CCSER1: variants seen among roughly 807,000 people sequenced by gnomAD.
CCSER1 encodes serine-rich coiled-coil domain-containing protein 1.
CCSER1 carries 41 observed loss-of-function variants against 82.0 expected under a neutral mutation model. That is an observed-to-expected ratio of 0.50 (90% CI 0.39 to 0.65). The LOEUF is 0.65. Among genes scored for constraint, CCSER1 ranks in the 30% least tolerant of loss-of-function variants. The pLI, the probability that CCSER1 is intolerant of heterozygous loss-of-function variation, is 0.00. For missense variants in CCSER1, 1,119 were observed against 1,064.2 expected (o/e 1.05, Z -0.72); for synonymous variants, 414 against 383.9 (o/e 1.08, Z -0.92).
chr4:91,183,753 G>A (rs931650962), intron 10 of CCSER1, among the ~76,000 whole-genome samples: 1 of 152,090 alleles, frequency 6.6e-6, no homozygotes, highest in African/African-American at 2.4e-5. Context: ...AGTCTGCTCT[G>A]GATCTATTCT....
chr4:90,525,321 G>C (rs1319046170), intron 5 of CCSER1, among the ~76,000 whole-genome samples: 1 of 151,970 alleles, frequency 6.6e-6, no homozygotes, highest in African/African-American at 2.4e-5. Context: ...ATAGCCAAAT[G>C]CCTTGGAGAA....
intron 8 of CCSER1, among the ~76,000 whole-genome samples, chr4:90,855,128 C>T (rs765453443): frequency 1.3e-5 from 2 of 152,114 alleles, no homozygotes; most frequent in Non-Finnish European, 2.9e-5. Context: ...CACCAGGTCC[C>T]TCCACCAACA....
At chr4:90,664,440 A>G (rs921496079) in intron 6 of CCSER1, among the ~76,000 whole-genome samples, 1 of 152,118 alleles carries the variant, frequency 6.6e-6, no homozygotes, top group African/African-American at 2.4e-5. Context: ...TTTTTTTGTC[A>G]AAAGCATTAA....
intron 6 of CCSER1, among the ~76,000 whole-genome samples, chr4:90,644,532 C>T (rs955522248): frequency 3.0e-4 from 45 of 151,936 alleles, no homozygotes; most frequent in African/African-American, 1.1e-3. Context: ...CATAGATAAA[C>T]GTGTGCCATG....
chr4:91,310,224 T>A (rs1430721494), intron 10 of CCSER1, among the ~76,000 whole-genome samples: 1 of 151,856 alleles, frequency 6.6e-6, no homozygotes, highest in Non-Finnish European at 1.5e-5. Context: ...AATTGCAACA[T>A]TGGCCTGATT....
intron 5 of CCSER1, among the ~76,000 whole-genome samples, chr4:90,606,782 T>G (rs1353265453): frequency 6.6e-6 from 1 of 152,182 alleles, no homozygotes; most frequent in Non-Finnish European, 1.5e-5. Context: ...TGTTCTACTC[T>G]GAGATAGCCC....
intron 9 of CCSER1, among the ~76,000 whole-genome samples, chr4:90,924,056 A>T (rs1011414541): frequency 1.3e-5 from 2 of 152,062 alleles, no homozygotes; most frequent in Non-Finnish European, 2.9e-5. Flanking sequence ...ATAAATGCTC[A>T]TTTTTTTCTT....
chr4:91,409,546 CT>C (rs900820499), intron 10 of CCSER1, among the ~76,000 whole-genome samples: 1 of 151,984 alleles, frequency 6.6e-6, no homozygotes, highest in African/African-American at 2.4e-5. Context: ...TTTCAAAAAC[CT>C]TTAGTTCAGT....
chr4:90,815,795 C>A lies in CCSER1; in HGVS notation c.2044C>A (p.Leu682Met). Residue 682 changes from leucine (L) to methionine (M), a missense_variant, in exon 8 of 11, where the codon CTG becomes ATG. Physicochemically the swap from Leu to Met is conservative, Grantham distance 15 (BLOSUM62 2). Coordinates refer to ENST00000509176, the MANE Select transcript of CCSER1 (RefSeq NM_001145065.2). Reference protein sequence around the residue: ...IMKDECSMLKLQLKEKDELIS... With the variant: ...IMKDECSMLKMQLKEKDELIS... ...GAAAGATGAATGCTCGATGCTCAAG[C>A]TGCAGCTGAAAGAGAAGGATGAACT... 6.4e-7 allele frequency: 1 copy of A among 1,551,084 alleles called. No homozygotes were observed. Among genetic ancestry groups the A allele is most frequent in the Non-Finnish European group, 8.7e-7 (1 of 1,146,724 alleles).
chr4:90,878,104 A>G (rs1720628022), intron 8 of CCSER1, among the ~76,000 whole-genome samples: 1 of 152,138 alleles, frequency 6.6e-6, no homozygotes, highest in Non-Finnish European at 1.5e-5. Flanking sequence ...CCATTGTGAA[A>G]CTGAAACTAA....
intron 10 of CCSER1, among the ~76,000 whole-genome samples, chr4:91,259,779 T>C (rs1581858830): frequency 6.6e-6 from 1 of 152,348 alleles, no homozygotes; most frequent in East Asian, 1.9e-4. Context: ...ACTCATCTTT[T>C]TTATGGCCGC....
chr4:91,022,399 C>T (rs894078561), intron 9 of CCSER1, among the ~76,000 whole-genome samples: 4 of 152,010 alleles, frequency 2.6e-5, no homozygotes, highest in Non-Finnish European at 5.9e-5. Flanking sequence ...TTTCTTAATC[C>T]AGTCTACCAT....
chr4:90,281,604 A>G (rs755076484), intron 1 of CCSER1, among the ~76,000 whole-genome samples: 61 of 152,146 alleles, frequency 4.0e-4, no homozygotes, highest in Non-Finnish European at 1.8e-4. Context: ...TCATTGCTTA[A>G]TAAGAAAATA....
At chr4:91,113,226 T>C (rs1726238798) in intron 10 of CCSER1, among the ~76,000 whole-genome samples, 1 of 152,202 alleles carries the variant, frequency 6.6e-6, no homozygotes, top group Admixed American at 6.5e-5. Context: ...TATTAAACAT[T>C]TGTTGATACA....
At chr4:90,238,896 G>A (rs2153433097) in intron 1 of CCSER1, among the ~76,000 whole-genome samples, 1 of 151,972 alleles carries the variant, frequency 6.6e-6, no homozygotes, top group South Asian at 2.1e-4. Context: ...TGTTGCCCAG[G>A]CTGCAGTGCA....
intron 7 of CCSER1, among the ~76,000 whole-genome samples, chr4:90,750,814 C>A (rs562847360): frequency 4.3e-4 from 66 of 152,168 alleles, no homozygotes; most frequent in African/African-American, 1.6e-3. Flanking sequence ...GACCAAATTG[C>A]AGTTAGCATT....
chr4:91,577,166 T>TA (rs1422385802), intron 10 of CCSER1, among the ~76,000 whole-genome samples: 1 of 151,986 alleles, frequency 6.6e-6, no homozygotes, highest in Non-Finnish European at 1.5e-5. Flanking sequence ...ATCTTTTTTT[T>TA]AAATGTGGTT....
chr4:90,535,761 T>A (rs1775240541), intron 5 of CCSER1, among the ~76,000 whole-genome samples: 1 of 152,092 alleles, frequency 6.6e-6, no homozygotes, highest in Non-Finnish European at 1.5e-5. Flanking sequence ...ACAGATGACA[T>A]TGTAAAATGA....
At position 91,004,293 on chromosome 4, in the gene CCSER1, C is replaced by T. The variant is rs556494395; in HGVS notation, c.2172+80846C>T. 2.0e-5 allele frequency among the ~76,000 whole-genome samples: 3 copies of T among 152,286 alleles called. No homozygotes were observed. The East Asian group carries it at 5.8e-4, about 29-fold the overall frequency. On this transcript the variant is annotated intron_variant, in intron 9 of 10. Coordinates refer to ENST00000509176, the MANE Select transcript of CCSER1 (RefSeq NM_001145065.2). The stretch of plus-strand genomic sequence containing the variant: ...CTCATCTTAATGGAAAGACGATGGG[C>T]CAGGCTGCCACCTCCTAAGCCTTTC...
Sources: gnomAD v4.1 joint callset for allele counts (sites outside exome capture counted in the v4.1 genomes callset) on GRCh38, gnomAD v4.1.1 for gene constraint, MANE v1.5 for transcripts, NCBI Gene and HGNC (gene_info 2026-07-23, HGNC 2026-07-21) for gene names.